TNS2: variants seen among roughly 807,000 people sequenced by gnomAD.
TNS2 encodes the protein tensin-2.
Under a neutral mutation model 155.7 loss-of-function variants are expected in TNS2, and 77 were observed. The ratio of observed to expected loss-of-function variants is 0.49; its 90% CI spans 0.41 to 0.60. The LOEUF (loss-of-function observed/expected upper bound fraction) is 0.60, where lower values mean the gene tolerates loss of function less well. Ranked by LOEUF, TNS2 falls within the 20% of genes least tolerant of loss-of-function variation. TNS2 has a pLI of 0.00. For missense variants in TNS2, 1,703 were observed against 1,868.8 expected, an observed-to-expected ratio of 0.91 and a Z score of 1.64; for synonymous variants, 726 against 763.9, an observed-to-expected ratio of 0.95 and a Z score of 0.82.
upstream of TNS2, chr12:53,049,099 A>G: frequency 7.0e-7 from 1 of 1,429,382 alleles, no homozygotes; most frequent in Non-Finnish European, 9.5e-7. Context: ...CTTGACTCCC[A>G]GGACGGGAAG....
At chr12:53,049,573 G>A (rs928237779), upstream of TNS2, among the ~76,000 whole-genome samples, 25 of 152,174 alleles carry the variant, frequency 1.6e-4, no homozygotes, top group African/African-American at 5.8e-4. Context: ...ACTTCATAAC[G>A]AGTGAAACTG....
Position 53,050,171 on chromosome 12 carries a change from A to G in TNS2, c.-15A>G, listed in dbSNP as rs370572674. 8.7e-5 allele frequency: 140 copies of G among 1,609,366 alleles called. No homozygotes were observed. Among genetic ancestry groups the G allele is most frequent in the Non-Finnish European group, 1.2e-4 (138 of 1,178,734 alleles). ...GTTCAGGCCCTGGGGCCAGCACCCC[A>G]GCCAGCCGAACACCATGAAGTCCAG... On this transcript the variant is annotated 5_prime_UTR_variant, in exon 1 of 29. Transcript: ENST00000314250. The surrounding 1 kb of genome is among the most constrained non-coding windows in gnomAD (Gnocchi z 4.7).
At chr12:53,058,886 G>A in intron 17 of TNS2, 59 bp downstream of exon 17, 1 of 1,586,234 alleles carries the variant, frequency 6.3e-7, no homozygotes, top group Non-Finnish European at 8.6e-7. Flanking sequence ...CTGGGGGGTG[G>A]TGCCAGGGAG....
rs764334188 is a variant in TNS2 at position 53,063,046 on chromosome 12, G to C, written c.3824-43G>C. 1.3e-6 allele frequency: 2 copies of C among 1,506,410 alleles called. No homozygotes were observed. The highest frequency in any genetic ancestry group is 1.8e-6 in the Non-Finnish European group (2 of 1,131,184). The allele number at this position is 1,506,410 out of a possible 1,614,324, so 93.3% of individuals were successfully genotyped here. A position where few individuals can be genotyped will look rare whatever the true frequency, so the allele number is the denominator to read the frequency against. On this transcript the variant is annotated intron_variant, in intron 25 of 28. Transcript: ENST00000314250. This position sits in a 1 kb window ranked among gnomAD's most constrained non-coding sequence, Gnocchi z 5.6. ...GTGCAAGAGCTGGTGGGGGTGGCTA[G>C]GGGATGGGCACTCCCTCCCTGACCC...
rs200850243 is a variant in TNS2, at chr12:53,058,808, C to T, written c.1386C>T (p.His462=). The T allele has an allele frequency of 4.4e-5, 71 of 1,613,730 alleles. No homozygotes were observed. In the East Asian group the frequency reaches 1.6e-3, roughly 35 times the overall value. ...RWDSYENFNQ[H]HEDSVDGSLT... is the part of the protein sequence containing the mutation. ...ACTCCTATGAGAACTTCAACCAGCA[C>T]CACGAGGACAGTGTGGATGGTGCGC... Residue 462 remains histidine, a synonymous_variant, in exon 17 of 29, where the codon CAC becomes CAT. Transcript: ENST00000314250.
Position 53,050,308 on chromosome 12 carries a change from C to A in TNS2, c.75+48C>A, listed in dbSNP as rs750446958. 6.5e-7 allele frequency: 1 copy of A among 1,531,990 alleles called. No homozygotes were observed. Among genetic ancestry groups the A allele is most frequent in the South Asian group, 1.2e-5 (1 of 81,794 alleles). The allele number at this position is 1,531,990 out of a possible 1,614,324, so 94.9% of individuals were successfully genotyped here. A position where few individuals can be genotyped will look rare whatever the true frequency, so the allele number is the denominator to read the frequency against. On this transcript the variant is annotated intron_variant, in intron 1 of 28. Coordinates refer to ENST00000314250, the MANE Select transcript of TNS2 (RefSeq NM_170754.4). This position sits in a 1 kb window ranked among gnomAD's most constrained non-coding sequence, Gnocchi z 4.7. ...CAAAAGAGGGGCAGGGGTGGAGGTG[C>A]GGGCAGTGGGGGAGGGGACCAGGAA...
At chr12:53,062,996 C>G in intron 25 of TNS2, 93 bp from the exon 26 acceptor site, 1 of 1,437,036 alleles carries the variant, frequency 7.0e-7, no homozygotes. Flanking sequence ...GATTGTAAAG[C>G]ATGTGACAGC....
upstream of TNS2, chr12:53,049,127 A>T: frequency 6.5e-7 from 1 of 1,537,812 alleles, no homozygotes; most frequent in Non-Finnish European, 8.7e-7. Flanking sequence ...TGTTCCCAGG[A>T]GGGAGGCCGG....
At position 53,063,841 on chromosome 12, in the gene TNS2, G is replaced by A; in HGVS notation, c.4189G>A (p.Val1397Ile). Residue 1397 changes from valine to isoleucine, a missense_variant, in exon 29 of 29, where the codon GTC (valine) becomes ATC (isoleucine). By Grantham distance (29) the Val-to-Ile change is conservative. Coordinates refer to ENST00000314250, the MANE Select transcript of TNS2 (RefSeq NM_170754.4). The surrounding 1 kb of genome is among the most constrained non-coding windows in gnomAD (Gnocchi z 5.6). ...LDPDQPAGAIVTFITKVLLGQ... is the reference protein window; with the variant it reads ...LDPDQPAGAIITFITKVLLGQ... ...CCCAGATCAGCCTGCTGGCGCCATT[G>A]TCACCTTCATCACCAAAGTTCTACT... The A allele has an allele frequency of 6.2e-7, 1 of 1,614,098 alleles. No homozygotes were observed. The highest frequency in any genetic ancestry group is 8.5e-7 in the Non-Finnish European group (1 of 1,180,020).
rs1944079377 is a variant in TNS2 at position 53,054,744 on chromosome 12, A to G, written c.522+303A>G. On this transcript the variant is annotated intron_variant, in intron 7 of 28. Coordinates refer to ENST00000314250, the MANE Select transcript of TNS2 (RefSeq NM_170754.4). The stretch of plus-strand genomic sequence containing the variant: ...GGCTGGAGTGCAGTGGCACGATCTC[A>G]CCTCACTGCAACCTCCTCCACCCGG... Among the ~76,000 whole-genome samples the G allele has an allele frequency of 1.4e-5, 2 of 148,028 alleles. 1 individual carries two copies. The highest frequency in any genetic ancestry group is 4.3e-4 in the South Asian group (2 of 4,700).
In TNS2 at chr12:53,061,217, A is replaced by T; in HGVS notation, c.3311A>T (p.His1104Leu). The change falls in exon 20 of 29, where the codon CAT becomes CTT. Residue 1104 changes from histidine (H) to leucine (L), a missense_variant. His to Leu is a moderately conservative substitution (Grantham distance 99, BLOSUM62 -3). Transcript: ENST00000314250. ...TCGCCAGCCAGAGGCATCAGTCACC[A>T]TGTCACCTTCGCACCTCTGCTCTCA... ...ASSPARGISH[H>L]VTFAPLLSDN... The T allele has an allele frequency of 6.4e-7, 1 of 1,574,438 alleles. No individual in the cohort carries two copies. Among genetic ancestry groups the T allele is most frequent in the Non-Finnish European group, 8.6e-7 (1 of 1,159,816 alleles).
rs757264168 is a variant in TNS2 at position 53,062,469 on chromosome 12, T to G, written c.3745+16T>G. The G allele has an allele frequency of 2.5e-6, 4 of 1,613,070 alleles. No homozygotes were observed. The East Asian group carries it at 8.9e-5, about 36-fold the overall frequency. Reference sequence around the variant, plus strand: ...CCCAGCAAAGGTGAGTGTCTGGTCATCTGTCCTCCCCACCTCTCCCTACCC... The same window carrying G: ...CCCAGCAAAGGTGAGTGTCTGGTCAGCTGTCCTCCCCACCTCTCCCTACCC... On this transcript the variant is annotated intron_variant, in intron 24 of 28. Coordinates refer to ENST00000314250, the MANE Select transcript of TNS2 (RefSeq NM_170754.4).
In TNS2 at chr12:53,063,589, C is replaced by A. The variant is rs747208921; in HGVS notation, c.4088C>A (p.Ser1363Tyr). The change falls in exon 28 of 29, where the codon TCC becomes TAC. Residue 1363 changes from serine (S) to tyrosine (Y), a missense_variant. Physicochemically the swap from Ser to Tyr is moderately radical, Grantham distance 144 (BLOSUM62 -2). Transcript: ENST00000314250. The surrounding 1 kb of genome is among the most constrained non-coding windows in gnomAD (Gnocchi z 5.6). Reference protein sequence around the residue: ...RRWTNPDGTTSKIFGFVAKKP... With the variant: ...RRWTNPDGTTYKIFGFVAKKP... Reference sequence around the variant, plus strand: ...TGGACCAACCCAGACGGGACCACCTCCAAGTAAGCCTCCCCACGAATTCAG... The same window carrying A: ...TGGACCAACCCAGACGGGACCACCTACAAGTAAGCCTCCCCACGAATTCAG... The A allele has an allele frequency of 6.2e-7, 1 of 1,614,128 alleles. No homozygotes were observed. The highest frequency in any genetic ancestry group is 1.7e-5 in the Admixed American group (1 of 60,026).
chr12:53,052,032 G>A, intron 2 of TNS2, 69 bp downstream of exon 2: 1 of 1,293,384 alleles, frequency 7.7e-7, no homozygotes, highest in Non-Finnish European at 1.1e-6. Flanking sequence ...ACTCCAGCAG[G>A]CCAGCTCACA....
chr12:53,047,646 C>T (rs1052763846), upstream of TNS2, among the ~76,000 whole-genome samples: 1 of 151,884 alleles, frequency 6.6e-6, no homozygotes, highest in Non-Finnish European at 1.5e-5. Flanking sequence ...CACGGGGCCG[C>T]ACGCCGTGCC....
upstream of TNS2, chr12:53,049,288 CA>C: frequency 6.4e-7 from 1 of 1,559,688 alleles, no homozygotes; most frequent in Non-Finnish European, 8.8e-7. Context: ...GGGGAGGGTG[CA>C]GCCCTTGGGT....
intron 6 of TNS2, 39 bp from the exon 7 acceptor site, chr12:53,054,231 C>T (rs1231337428): frequency 1.9e-6 from 3 of 1,609,102 alleles, no homozygotes; most frequent in Non-Finnish European, 1.7e-6. Flanking sequence ...CCTCCGGGTG[C>T]CCCGCCCCTG....
In TNS2 at chr12:53,061,076, TC is replaced by T; in HGVS notation, c.3175del (p.Leu1059TrpfsTer96). The part of the protein sequence containing the change: ...EPPQSSPTPA[F>X]PLAASYDTNG... Reference sequence around the variant, plus strand: ...CCTCAGAGCTCACCTACACCTGCTTTCCCCCTGGCTGCCTCCTATGACACCA... The same window carrying T: ...CCTCAGAGCTCACCTACACCTGCTTTCCCCTGGCTGCCTCCTATGACACCA... On this transcript the variant is annotated frameshift_variant, in exon 20 of 29. Coordinates refer to ENST00000314250, the MANE Select transcript of TNS2 (RefSeq NM_170754.4). LOFTEE classifies it high-confidence loss of function. 1 of 1,612,024 alleles carries T rather than the reference TC, an allele frequency of 6.2e-7. No individual in the cohort carries two copies. The highest frequency in any genetic ancestry group is 8.5e-7 in the Non-Finnish European group (1 of 1,179,126).
rs1401991283 is a variant in TNS2 at position 53,052,465 on chromosome 12, G to T, written c.195G>T (p.Val65=). 1 of 1,614,002 alleles carries T rather than the reference G, an allele frequency of 6.2e-7. No homozygotes were observed. The highest frequency in any genetic ancestry group is 1.1e-5 in the South Asian group (1 of 91,078). ...GTGVSCRVCK[V]ATHRKCEAKV... Reference sequence around the variant, plus strand: ...CCTTACCTTCCCTAGTCTGCAAGGTGGCGACGCACAGAAAATGTGAAGCAA... The same window carrying T: ...CCTTACCTTCCCTAGTCTGCAAGGTTGCGACGCACAGAAAATGTGAAGCAA... The change falls in exon 3 of 29, where the codon GTG becomes GTT. Residue 65 remains valine (V), a synonymous_variant. Transcript: ENST00000314250.
Sources: allele counts gnomAD v4.1 joint callset (sites outside exome capture counted in the v4.1 genomes callset), GRCh38; gene constraint gnomAD v4.1.1; non-coding constraint Gnocchi (gnomAD v3.1); transcripts MANE v1.5; gene names NCBI Gene and HGNC (gene_info 2026-07-23, HGNC 2026-07-21).